LIPC: variants seen among roughly 807,000 people sequenced by gnomAD.
LIPC encodes the protein hepatic triacylglycerol lipase.
Under a neutral mutation model 50.7 loss-of-function variants are expected in LIPC, and 44 were observed. The observed-to-expected ratio is 0.87, with a 90% CI of 0.68 to 1.11. The LOEUF (loss-of-function observed/expected upper bound fraction) is 1.11. Ranked by LOEUF, LIPC falls within the 50% of genes most tolerant of loss-of-function variation. LIPC has a pLI of 0.00. For missense variants in LIPC, 697 were observed against 648.2 expected, an observed-to-expected ratio of 1.08 and a Z score of -0.82; for synonymous variants, 271 against 256.4, an observed-to-expected ratio of 1.06 and a Z score of -0.54.
At chr15:58,508,941 A>G (rs1423759346) in intron 1 of LIPC, among the ~76,000 whole-genome samples, 1 of 151,968 alleles carries the variant, frequency 6.6e-6, no homozygotes, top group Non-Finnish European at 1.5e-5. Flanking sequence ...TACTACTTGT[A>G]GGCAGAGCTC....
chr15:58,496,974 C>A (rs2004145), intron 1 of LIPC, among the ~76,000 whole-genome samples: 1 of 151,910 alleles, frequency 6.6e-6, no homozygotes. Context: ...CATAAGCCAC[C>A]GCGCCCGGCC....
chr15:58,541,732 G>A (rs1018150524), intron 2 of LIPC, 53 bp from the exon 3 acceptor site: 3 of 1,553,060 alleles, frequency 1.9e-6, no homozygotes, highest in African/African-American at 1.4e-5. Context: ...AAGGAAGAAG[G>A]GTGAGCGGGG....
At chr15:58,458,077 C>T (rs1894200972) in intron 1 of LIPC, among the ~76,000 whole-genome samples, 2 of 152,048 alleles carry the variant, frequency 1.3e-5, no homozygotes, top group Non-Finnish European at 2.9e-5. Context: ...TGGCAAAAGT[C>T]CTTGCTGTCC....
intron 1 of LIPC, among the ~76,000 whole-genome samples, chr15:58,487,591 C>T (rs571532316): frequency 3.9e-5 from 6 of 152,330 alleles, no homozygotes; most frequent in African/African-American, 1.4e-4. Context: ...TTATTTACTA[C>T]CTGATGGTCT....
chr15:58,525,557 A>G (rs1410353896), intron 1 of LIPC, among the ~76,000 whole-genome samples: 3 of 152,096 alleles, frequency 2.0e-5, no homozygotes, highest in Non-Finnish European at 4.4e-5. Flanking sequence ...CCACTCCCCA[A>G]ACAAGGCAGA....
chr15:58,510,896 A>G (rs1892308675), intron 1 of LIPC, among the ~76,000 whole-genome samples: 1 of 152,270 alleles, frequency 6.6e-6, no homozygotes, highest in South Asian at 2.1e-4. Flanking sequence ...ATTGTTCCAC[A>G]TGGAGTTGGT....
chr15:58,438,970 C>G (rs1893409530), intron 1 of LIPC, among the ~76,000 whole-genome samples: 1 of 152,226 alleles, frequency 6.6e-6, no homozygotes, highest in African/African-American at 2.4e-5. Context: ...GCATGGAATG[C>G]AAGCGGAGGC....
intron 1 of LIPC, among the ~76,000 whole-genome samples, chr15:58,514,579 T>A (rs1286525300): frequency 1.3e-5 from 2 of 152,144 alleles, no homozygotes; most frequent in East Asian, 3.9e-4. Flanking sequence ...ATCCCAACAC[T>A]TTGGGAGGCC....
At chr15:58,564,601 A>C (rs2899633) in intron 8 of LIPC, among the ~76,000 whole-genome samples, 148,750 of 152,134 alleles carry the variant, frequency 0.98, 72,815 homozygotes, top group East Asian at 1. Context: ...GTGGCGCACA[A>C]TGGTAGTCCC....
At chr15:58,537,315 C>T (rs1363893589) in intron 1 of LIPC, among the ~76,000 whole-genome samples, 2 of 152,224 alleles carry the variant, frequency 1.3e-5, no homozygotes. Flanking sequence ...CTCACCCACC[C>T]CTCCAAAGTG....
At chr15:58,432,313 C>T in intron 1 of LIPC, 193 bp downstream of exon 1, 1 of 625,692 alleles carries the variant, frequency 1.6e-6, no homozygotes, top group East Asian at 2.8e-5. Context: ...TTTAGAAAAT[C>T]ATCCTCGGAT....
intron 2 of LIPC, among the ~76,000 whole-genome samples, chr15:58,540,423 C>A (rs1003930467): frequency 1.7e-4 from 26 of 152,148 alleles, no homozygotes; most frequent in African/African-American, 5.8e-4. Context: ...CATTATTAAC[C>A]CCATTTTCCA....
chr15:58,478,975 C>T (rs1891094897), intron 1 of LIPC, among the ~76,000 whole-genome samples: 1 of 152,206 alleles, frequency 6.6e-6, no homozygotes, highest in Non-Finnish European at 1.5e-5. Flanking sequence ...GGGCTCTAGG[C>T]CTCGGAGTTG....
chr15:58,489,228 G>GGGGGGGGGGGGT (rs1294347533), intron 1 of LIPC, among the ~76,000 whole-genome samples: 1 of 103,396 alleles, frequency 9.7e-6, no homozygotes, highest in African/African-American at 3.9e-5. Flanking sequence ...GGGGGCGGGG[G>GGGGGGGGGGGGT]GGCGGCTTAC....
chr15:58,471,332 G>GA, intron 1 of LIPC, among the ~76,000 whole-genome samples: 1 of 138,824 alleles, frequency 7.2e-6, no homozygotes, highest in African/African-American at 2.8e-5. Context: ...TAGAGATGGG[G>GA]GGGGGTGGTC....
At chr15:58,481,446 C>T (rs1056433404) in intron 1 of LIPC, among the ~76,000 whole-genome samples, 2 of 152,154 alleles carry the variant, frequency 1.3e-5, no homozygotes, top group Admixed American at 1.3e-4. Context: ...AAATGTCTAT[C>T]AACAGGTAAC....
chr15:58,476,908 C>T (rs376956624), intron 1 of LIPC, among the ~76,000 whole-genome samples: 19 of 152,212 alleles, frequency 1.2e-4, no homozygotes, highest in East Asian at 7.7e-4. Flanking sequence ...TGTCGGATTG[C>T]CCTGTACCCA....
intron 1 of LIPC, among the ~76,000 whole-genome samples, chr15:58,527,531 C>T (rs1892830919): frequency 6.6e-6 from 1 of 152,306 alleles, no homozygotes; most frequent in East Asian, 1.9e-4. Context: ...GAGGAGCTGG[C>T]GGTACCACCC....
intron 1 of LIPC, chr15:58,521,311 G>A (rs1892644120): frequency 2.0e-5 from 3 of 152,182 alleles, no homozygotes; most frequent in Admixed American, 6.5e-5. Flanking sequence ...AGATGCATAA[G>A]ACACGTACAG....
Sources: gnomAD v4.1 joint callset for allele counts (sites outside exome capture counted in the v4.1 genomes callset) on GRCh38, gnomAD v4.1.1 for gene constraint, MANE v1.5 for transcripts, NCBI Gene and HGNC (gene_info 2026-07-23, HGNC 2026-07-21) for gene names.